Variants in DLC1 observed in about 807,000 individuals in gnomAD.
The protein encoded by DLC1 is rho GTPase-activating protein 7.
A neutral mutation model predicts 140.3 loss-of-function variants in DLC1; 54 were observed. The ratio of observed to expected loss-of-function variants is 0.38; its 90% CI spans 0.31 to 0.48. The LOEUF (loss-of-function observed/expected upper bound fraction) is 0.48, where lower values mean the gene tolerates loss of function less well. Ranked by LOEUF, DLC1 falls within the 20% of genes least tolerant of loss-of-function variation. The probability of loss-of-function intolerance (pLI) is 0.96; values close to 1 mark genes in which losing one functional copy is unlikely to be tolerated. For synonymous variants in DLC1, 986 were observed against 728.1 expected, an observed-to-expected ratio of 1.35 and a Z score of -5.70; for missense variants, 2,536 against 1,907.0, an observed-to-expected ratio of 1.33 and a Z score of -6.14.
chr8:13,568,316 G>T (rs765945276), intron 1 of DLC1: 25 of 187,238 alleles, frequency 1.3e-4, no homozygotes, highest in Non-Finnish European at 2.1e-4. Context: ...GCGCCCGGAT[G>T]AATGATCATT....
chr8:13,226,300 T>C (rs1828793964), intron 5 of DLC1, among the ~76,000 whole-genome samples: 1 of 152,218 alleles, frequency 6.6e-6, no homozygotes. Context: ...TAGAAATACT[T>C]TCAGATATAT....
In DLC1 at chr8:13,401,522, C is replaced by A; in HGVS notation, c.1121G>T (p.Ser374Ile). The change falls in exon 3 of 18, where the codon AGC becomes ATC. Residue 374 changes from serine to isoleucine, a missense_variant. Ser to Ile is a moderately radical substitution (Grantham distance 142). Transcript: ENST00000276297. Reference protein sequence around the residue: ...QLDQDIENALSTSSSPSGTPT... With the variant: ...QLDQDIENALITSSSPSGTPT... Reference sequence around the variant, plus strand: ...TGTGCCTGATGGAGAGGAGCTGGTGCTGAGGGCATTTTCTATGTCCTGATC... The same window carrying A: ...TGTGCCTGATGGAGAGGAGCTGGTGATGAGGGCATTTTCTATGTCCTGATC... The A allele has an allele frequency of 6.2e-7, 1 of 1,613,116 alleles. No homozygotes were observed. Among genetic ancestry groups the A allele is most frequent in the Non-Finnish European group, 8.5e-7 (1 of 1,180,000 alleles).
At chr8:13,217,573 G>A (rs1182153353) in intron 5 of DLC1, among the ~76,000 whole-genome samples, 1 of 152,038 alleles carries the variant, frequency 6.6e-6, no homozygotes, top group Non-Finnish European at 1.5e-5. Context: ...GGTGGCTCAC[G>A]CCTGAAATCC....
chr8:13,552,818 A>G (rs1204260321), intron 1 of DLC1, among the ~76,000 whole-genome samples: 2 of 152,006 alleles, frequency 1.3e-5, no homozygotes, highest in South Asian at 4.1e-4. Flanking sequence ...TTATTAAAAG[A>G]AAGTACAAAG....
At chr8:13,594,152 C>A (rs1805610759) in intron 1 of DLC1, among the ~76,000 whole-genome samples, 2 of 151,874 alleles carry the variant, frequency 1.3e-5, no homozygotes, top group South Asian at 4.2e-4. Context: ...CAGAGCGAGA[C>A]CTGGTCTCAA....
intron 4 of DLC1, among the ~76,000 whole-genome samples, chr8:13,384,571 C>A (rs1444350286): frequency 8.2e-6 from 1 of 121,898 alleles, no homozygotes; most frequent in Admixed American, 7.6e-5. Context: ...TCTAAAAAAT[C>A]ATTTAATATT....
intron 2 of DLC1, among the ~76,000 whole-genome samples, chr8:13,482,342 C>CAA (rs1554528954): frequency 0.033 from 4,988 of 151,382 alleles, 124 homozygotes; most frequent in Middle Eastern, 0.051. Context: ...TGGGACAAGT[C>CAA]AGAGAGAGAG....
At chr8:13,554,269 G>A (rs1415559714) in intron 1 of DLC1, among the ~76,000 whole-genome samples, 3 of 152,088 alleles carry the variant, frequency 2.0e-5, no homozygotes, top group African/African-American at 7.2e-5. Flanking sequence ...GTTTCGCCCT[G>A]TTGGCAGGCT....
Position 13,094,796 on chromosome 8 carries a change from C to A in DLC1, c.3489G>T (p.Thr1163=). The change falls in exon 12 of 18, where the codon ACG becomes ACT. Residue 1163 remains threonine, a synonymous_variant. Coordinates refer to ENST00000276297, the MANE Select transcript of DLC1 (RefSeq NM_182643.3). The part of the protein sequence containing the change: ...YFRDLPEPLM[T]NKLSETFLQI... Reference sequence around the variant, plus strand: ...GTAGAAAGGTTTCCGAGAGTTTGTTCGTCATTAGTGGCTCAGGAAGATCTC... The same window carrying A: ...GTAGAAAGGTTTCCGAGAGTTTGTTAGTCATTAGTGGCTCAGGAAGATCTC... The A allele has an allele frequency of 6.2e-7, 1 of 1,614,178 alleles. No individual in the cohort carries two copies. The highest frequency in any genetic ancestry group is 2.2e-5 in the East Asian group (1 of 44,886).
At chr8:13,103,443 C>CT (rs1386693847) in intron 7 of DLC1, among the ~76,000 whole-genome samples, 1 of 152,048 alleles carries the variant, frequency 6.6e-6, no homozygotes, top group Non-Finnish European at 1.5e-5. Context: ...TCAAGTCTCT[C>CT]TGATTCTTCA....
intron 1 of DLC1, among the ~76,000 whole-genome samples, chr8:13,549,044 A>T (rs1803757698): frequency 1.3e-5 from 2 of 152,068 alleles, no homozygotes; most frequent in African/African-American, 4.8e-5. Context: ...CATTACATTT[A>T]GCCATAACTG....
chr8:13,113,966 C>T (rs886878382), intron 6 of DLC1, among the ~76,000 whole-genome samples: 1 of 152,210 alleles, frequency 6.6e-6, no homozygotes, highest in Non-Finnish European at 1.5e-5. Context: ...GCTATTCACC[C>T]AACCTCTGTT....
At chr8:13,603,868 A>C (rs1483224515) in intron 1 of DLC1, among the ~76,000 whole-genome samples, 1 of 152,106 alleles carries the variant, frequency 6.6e-6, no homozygotes, top group Admixed American at 6.6e-5. Context: ...TGAATTTTTA[A>C]AAAGCTATGC....
intron 5 of DLC1, among the ~76,000 whole-genome samples, chr8:13,194,576 C>T (rs1826942610): frequency 6.6e-6 from 1 of 152,214 alleles, no homozygotes; most frequent in South Asian, 2.1e-4. Context: ...TGGAAGAAAG[C>T]CACGGGCAGA....
intron 5 of DLC1, among the ~76,000 whole-genome samples, chr8:13,219,660 T>C (rs893333277): frequency 6.6e-6 from 1 of 151,956 alleles, no homozygotes; most frequent in African/African-American, 2.4e-5. Context: ...TATATATCTA[T>C]ATCTATATCT....
intron 1 of DLC1, among the ~76,000 whole-genome samples, chr8:13,568,575 C>A (rs534580091): frequency 6.6e-5 from 6 of 91,108 alleles, no homozygotes; most frequent in African/African-American, 2.2e-4. Flanking sequence ...GATTGTCAAG[C>A]GTTTTTGGAA....
At chr8:13,595,334 T>C (rs971454051) in intron 1 of DLC1, among the ~76,000 whole-genome samples, 1 of 152,050 alleles carries the variant, frequency 6.6e-6, no homozygotes, top group East Asian at 1.9e-4. Context: ...CATGAAAATG[T>C]GTGAACTGTC....
At position 13,514,732 on chromosome 8, in the gene DLC1, G is replaced by C; in HGVS notation, c.-256C>G. ...GTGGTTGAGATCATGGCTCTATTCT[G>C]AGCAGTTTCACGCAGTGTGTGAGTC... is the stretch of plus-strand genomic sequence containing the variant. On this transcript the variant is annotated 5_prime_UTR_variant, in exon 1 of 18. Transcript: ENST00000276297. 1 of 398,196 alleles carries C rather than the reference G, an allele frequency of 2.5e-6. No individual in the cohort carries two copies. The highest frequency in any genetic ancestry group is 4.4e-6 in the Non-Finnish European group (1 of 225,818). The allele number at this position is 398,196 out of a possible 1,614,324, so 24.7% of individuals were successfully genotyped here.
chr8:13,164,564 A>G (rs750986228), intron 5 of DLC1, among the ~76,000 whole-genome samples: 1 of 151,904 alleles, frequency 6.6e-6, no homozygotes, highest in Non-Finnish European at 1.5e-5. Flanking sequence ...TTTTAACGGG[A>G]TCTTATCTAT....
Sources: allele counts gnomAD v4.1 joint callset (sites outside exome capture counted in the v4.1 genomes callset), GRCh38; gene constraint gnomAD v4.1.1; transcripts MANE v1.5; gene names NCBI Gene and HGNC (gene_info 2026-07-23, HGNC 2026-07-21).